Variants in ARHGAP26 observed in about 807,000 individuals in gnomAD.
ARHGAP26 encodes the protein Rho GTPase activating protein 26, also known as rho GTPase-activating protein 26.
A neutral mutation model predicts 104.8 loss-of-function variants in ARHGAP26; 38 were observed. The observed-to-expected ratio is 0.36, with a 90% CI of 0.28 to 0.48. The LOEUF is 0.48. Ranked by LOEUF, ARHGAP26 falls within the 20% of genes least tolerant of loss-of-function variation. The probability of loss-of-function intolerance (pLI) is 0.99; values close to 1 mark genes in which losing one functional copy is unlikely to be tolerated. For synonymous variants in ARHGAP26, 341 were observed against 340.0 expected, an observed-to-expected ratio of 1.00 and a Z score of -0.03; for missense variants, 704 against 947.9, an observed-to-expected ratio of 0.74 and a Z score of 3.38.
At chr5:142,844,369 C>T (rs2152215668) in intron 1 of ARHGAP26, among the ~76,000 whole-genome samples, 1 of 151,916 alleles carries the variant, frequency 6.6e-6, no homozygotes, top group South Asian at 2.1e-4. Flanking sequence ...TAGTCTTTCT[C>T]AGACATTCTT....
intron 17 of ARHGAP26, among the ~76,000 whole-genome samples, chr5:143,077,241 C>T (rs868113693): frequency 6.6e-6 from 1 of 152,134 alleles, no homozygotes; most frequent in South Asian, 2.1e-4. Context: ...AGCAGGTTAG[C>T]TAAGCTACAG....
At chr5:143,045,072 G>T (rs1231486503) in intron 14 of ARHGAP26, among the ~76,000 whole-genome samples, 1 of 152,224 alleles carries the variant, frequency 6.6e-6, no homozygotes, top group African/African-American at 2.4e-5. Context: ...TAGCTCAGTT[G>T]TGTTAAGCAA....
At chr5:142,940,858 C>T (rs1030590053) in intron 11 of ARHGAP26, among the ~76,000 whole-genome samples, 7 of 151,774 alleles carry the variant, frequency 4.6e-5, no homozygotes, top group African/African-American at 1.2e-4. Context: ...GGGCAGATAA[C>T]GAGGTCAGGA....
At chr5:143,057,810 A>G (rs1411041087) in intron 17 of ARHGAP26, 63 bp downstream of exon 17, 2 of 1,355,950 alleles carry the variant, frequency 1.5e-6, no homozygotes, top group African/African-American at 2.9e-5. Context: ...TTAGCAGTGA[A>G]GCTGGTCTCA....
At chr5:143,165,274 T>C (rs1293665182) in intron 20 of ARHGAP26, 1 of 152,184 alleles carries the variant, frequency 6.6e-6, no homozygotes, top group Admixed American at 6.5e-5. Flanking sequence ...GAGTGGAACA[T>C]ACAGGTTGGG....
intron 5 of ARHGAP26, among the ~76,000 whole-genome samples, chr5:142,887,469 T>C (rs924444748): frequency 6.6e-6 from 1 of 152,208 alleles, no homozygotes; most frequent in African/African-American, 2.4e-5. Flanking sequence ...TGTGTAAATA[T>C]CCTTATGATT....
chr5:142,849,279 G>A (rs563707360), intron 1 of ARHGAP26, among the ~76,000 whole-genome samples: 1 of 152,180 alleles, frequency 6.6e-6, no homozygotes, highest in African/African-American at 2.4e-5. Flanking sequence ...CTCACTCTTG[G>A]GTAAGACAGG....
rs1396044711 is a variant in ARHGAP26 at position 143,041,619 on chromosome 5, G to A, written c.1211-197G>A. 2.1e-5 allele frequency: 12 copies of A among 570,818 alleles called. No individual in the cohort carries two copies. In the Admixed American group the frequency reaches 2.4e-4, roughly 12 times the overall value. The allele number at this position is 570,818 out of a possible 1,614,324, so 35.4% of individuals were successfully genotyped here. ...GAGGGCTGAAGTGTGCAGCACATCC[G>A]TGAAATCCTAGACAGCTGTACCAAA... On this transcript the variant is annotated intron_variant, in intron 13 of 22. Transcript: ENST00000645722.
intron 17 of ARHGAP26, among the ~76,000 whole-genome samples, chr5:143,113,418 T>C (rs756984002): frequency 6.6e-6 from 1 of 152,206 alleles, no homozygotes; most frequent in Non-Finnish European, 1.5e-5. Flanking sequence ...TTGACATCCT[T>C]GAATGAAAGC....
Position 143,223,910 on chromosome 5 carries a change from A to T in ARHGAP26, c.*1464A>T. On this transcript the variant is annotated 3_prime_UTR_variant, in exon 23 of 23. Coordinates refer to ENST00000645722, the MANE Select transcript of ARHGAP26 (RefSeq NM_001135608.3). Reference sequence around the variant, plus strand: ...CACTTGGCCTGCAAACAACAGAGTTATCCGTATCTTCCACATGTGAATGTC... The same window carrying T: ...CACTTGGCCTGCAAACAACAGAGTTTTCCGTATCTTCCACATGTGAATGTC... 4.3e-6 allele frequency: 1 copy of T among 231,822 alleles called. No individual in the cohort carries two copies. The allele number at this position is 231,822 out of a possible 1,614,324, so 14.4% of individuals were successfully genotyped here.
At chr5:142,845,244 C>A (rs564965528) in intron 1 of ARHGAP26, among the ~76,000 whole-genome samples, 1 of 152,010 alleles carries the variant, frequency 6.6e-6, no homozygotes, top group Admixed American at 6.6e-5. Context: ...GTGTGTTGAT[C>A]GTCTGTTCTG....
intron 20 of ARHGAP26, among the ~76,000 whole-genome samples, chr5:143,205,989 T>C (rs1349538041): frequency 6.6e-6 from 1 of 152,248 alleles, no homozygotes; most frequent in Non-Finnish European, 1.5e-5. Context: ...TTTGAGCCTC[T>C]CTGATGAACT....
chr5:142,786,808 G>A (rs940164775), intron 1 of ARHGAP26, among the ~76,000 whole-genome samples: 3 of 151,794 alleles, frequency 2.0e-5, no homozygotes, highest in African/African-American at 4.8e-5. Flanking sequence ...TACCACAGCC[G>A]GCTAATTTTT....
chr5:143,204,849 T>C (rs2151334467), intron 20 of ARHGAP26, among the ~76,000 whole-genome samples: 1 of 152,236 alleles, frequency 6.6e-6, no homozygotes. Context: ...TGTCCTGTGG[T>C]AACCACTGAC....
At chr5:142,979,953 C>CT (rs1476057598) in intron 11 of ARHGAP26, among the ~76,000 whole-genome samples, 1 of 152,228 alleles carries the variant, frequency 6.6e-6, no homozygotes, top group African/African-American at 2.4e-5. Context: ...CTTGTTGTCA[C>CT]TTTCAAGCCA....
intron 11 of ARHGAP26, among the ~76,000 whole-genome samples, chr5:143,008,873 C>G (rs1778362691): frequency 6.6e-6 from 1 of 152,164 alleles, no homozygotes; most frequent in African/African-American, 2.4e-5. Context: ...TGTGTATTCT[C>G]TGTTAATTCT....
chr5:142,815,856 A>G (rs1411797845), intron 1 of ARHGAP26, among the ~76,000 whole-genome samples: 2 of 152,070 alleles, frequency 1.3e-5, no homozygotes, highest in Non-Finnish European at 1.5e-5. Flanking sequence ...GTACAGTGGT[A>G]CAATCATGGC....
chr5:143,077,471 T>A (rs1366180603), intron 17 of ARHGAP26, among the ~76,000 whole-genome samples: 1 of 152,162 alleles, frequency 6.6e-6, no homozygotes, highest in Non-Finnish European at 1.5e-5. Context: ...CTTTGGCAGG[T>A]CCTGCTTATG....
chr5:142,921,248 T>G (rs1252250794), intron 10 of ARHGAP26, among the ~76,000 whole-genome samples: 4 of 152,252 alleles, frequency 2.6e-5, no homozygotes, highest in Admixed American at 2.0e-4. Context: ...GGTGTTTAAT[T>G]AGGTATGTTT....
Sources: allele counts gnomAD v4.1 joint callset (sites outside exome capture counted in the v4.1 genomes callset), GRCh38; gene constraint gnomAD v4.1.1; transcripts MANE v1.5; gene names NCBI Gene and HGNC (gene_info 2026-07-23, HGNC 2026-07-21).